The following ADGRL2 variants were observed in gnomAD, a reference collection of about 807,000 sequenced individuals.
ADGRL2 encodes the protein adhesion G protein-coupled receptor L2.
A neutral mutation model predicts 157.4 loss-of-function variants in ADGRL2; 44 were observed. The observed-to-expected ratio is 0.28, with a 90% confidence interval of 0.22 to 0.36. The LOEUF (loss-of-function observed/expected upper bound fraction) is 0.36, where lower values mean the gene tolerates loss of function less well. ADGRL2 is among the 10% of genes least tolerant of loss of function. The pLI is 1.00. For synonymous variants in ADGRL2, 585 were observed against 624.7 expected, an observed-to-expected ratio of 0.94 and a Z score of 0.95; for missense variants, 1,510 against 1,768.9, an observed-to-expected ratio of 0.85 and a Z score of 2.63.
intron 2 of ADGRL2, among the ~76,000 whole-genome samples, chr1:81,452,777 C>T (rs1453707035): frequency 6.6e-6 from 1 of 152,040 alleles, no homozygotes; most frequent in Non-Finnish European, 1.5e-5. Flanking sequence ...ATGCATCAGT[C>T]GAGTAGGTTT....
At chr1:81,355,841 G>A (rs1663244525) in intron 1 of ADGRL2, among the ~76,000 whole-genome samples, 1 of 152,148 alleles carries the variant, frequency 6.6e-6, no homozygotes, top group Non-Finnish European at 1.5e-5. Flanking sequence ...CCTTATCTCT[G>A]TCTTCGTAAC....
At chr1:81,699,676 T>G (rs1427387697), upstream of ADGRL2, 2 of 152,170 alleles carry the variant, frequency 1.3e-5, no homozygotes, top group Non-Finnish European at 2.9e-5. Context: ...ATCTTAATAG[T>G]GTTGTGACTG....
At chr1:81,508,845 G>T (rs908058128) in intron 2 of ADGRL2, among the ~76,000 whole-genome samples, 1 of 152,116 alleles carries the variant, frequency 6.6e-6, no homozygotes, top group African/African-American at 2.4e-5. Flanking sequence ...TGAAATATTT[G>T]CCAAGAATAT....
chr1:81,429,083 T>A, intron 1 of ADGRL2, among the ~76,000 whole-genome samples: 1 of 152,088 alleles, frequency 6.6e-6, no homozygotes, highest in East Asian at 1.9e-4. Context: ...AAATTCTCAC[T>A]TTTGAAACCT....
At chr1:81,869,622 A>C (rs1382113166) in intron 2 of ADGRL2, among the ~76,000 whole-genome samples, 1 of 152,186 alleles carries the variant, frequency 6.6e-6, no homozygotes, top group Non-Finnish European at 1.5e-5. Context: ...ACAGTTTATA[A>C]ATAATTACAG....
chr1:81,505,740 CA>C (rs59062091), intron 2 of ADGRL2, among the ~76,000 whole-genome samples: 24,298 of 84,824 alleles, frequency 0.29, 1,423 homozygotes, highest in East Asian at 0.52. Context: ...TGTCCTCCTG[CA>C]AAAAAAAAAA....
chr1:81,449,124 G>C (rs949691182), intron 2 of ADGRL2, among the ~76,000 whole-genome samples: 2 of 151,636 alleles, frequency 1.3e-5, no homozygotes, highest in East Asian at 3.9e-4. Flanking sequence ...GTGCTTTTGG[G>C]GGCTAAATAA....
chr1:81,963,092 T>G (rs998809003), intron 11 of ADGRL2, among the ~76,000 whole-genome samples: 1 of 152,052 alleles, frequency 6.6e-6, no homozygotes, highest in Non-Finnish European at 1.5e-5. Context: ...GGTCTTCTTA[T>G]AAAGTTATAT....
At position 81,356,971 on chromosome 1, in the gene ADGRL2, A is replaced by AAAAAAAAAAAAAAG. The variant is rs80327519; in HGVS notation, c.-302+50464_-302+50465insAAAAAAAAAAAGAA. Among the ~76,000 whole-genome samples, 63 of 99,390 alleles carry AAAAAAAAAAAAAAG rather than the reference A, an allele frequency of 6.3e-4. 1 individual carries two copies. Among genetic ancestry groups the AAAAAAAAAAAAAAG allele is most frequent in the East Asian group, 2.6e-3 (6 of 2,328 alleles). The allele number at this position is 99,390 out of a possible 152,430, so 65.2% of individuals were successfully genotyped here. A position where few individuals can be genotyped will look rare whatever the true frequency, so the allele number is the denominator to read the frequency against. ...CCGTCTCAAAAAAAAAAAAAAAAAA[A>AAAAAAAAAAAAAAG]AAGAAGTTGTTTCCTTTTAAAGCTC... On this transcript the variant is annotated intron_variant, in intron 1 of 24. Transcript: ENST00000370721.
intron 2 of ADGRL2, among the ~76,000 whole-genome samples, chr1:81,543,271 C>T (rs192093990): frequency 3.9e-4 from 58 of 147,832 alleles, no homozygotes; most frequent in Admixed American, 2.6e-3. Context: ...AGAGCCCTCA[C>T]GAATGGAATT....
At chr1:81,864,513 A>G (rs2093479022) in intron 2 of ADGRL2, among the ~76,000 whole-genome samples, 1 of 152,224 alleles carries the variant, frequency 6.6e-6, no homozygotes, top group African/African-American at 2.4e-5. Context: ...TTTTTAAAAA[A>G]TTAAGTGAAT....
At chr1:81,977,730 G>A (rs765317339) in intron 17 of ADGRL2, among the ~76,000 whole-genome samples, 15 of 151,414 alleles carry the variant, frequency 9.9e-5, no homozygotes, top group South Asian at 4.2e-4. Context: ...GTTCCCAAGG[G>A]AATAATTAAT....
intron 2 of ADGRL2, among the ~76,000 whole-genome samples, chr1:81,837,760 T>C (rs1395994616): frequency 6.6e-6 from 1 of 151,990 alleles, no homozygotes; most frequent in Non-Finnish European, 1.5e-5. Flanking sequence ...ATTAACTATA[T>C]AGATTTCTGG....
intron 1 of ADGRL2, among the ~76,000 whole-genome samples, chr1:81,821,398 C>A (rs948853075): frequency 1.3e-5 from 2 of 151,998 alleles, no homozygotes; most frequent in Non-Finnish European, 2.9e-5. Flanking sequence ...CTCCACAGTT[C>A]CTTTCTTTAG....
chr1:81,769,016 C>T (rs767507792), intron 2 of ADGRL2, among the ~76,000 whole-genome samples: 5 of 152,054 alleles, frequency 3.3e-5, no homozygotes, highest in African/African-American at 7.2e-5. Context: ...ACCCAGGAGG[C>T]GGAGGTTGCT....
At chr1:81,449,818 T>A (rs1431045086) in intron 2 of ADGRL2, among the ~76,000 whole-genome samples, 1 of 152,184 alleles carries the variant, frequency 6.6e-6, no homozygotes, top group African/African-American at 2.4e-5. Context: ...CTCAAACTCC[T>A]GGGCTCAAGC....
rs1036839849 is a variant in ADGRL2, at chr1:81,768,849, G to A, written c.-101+6997G>A. Reference sequence around the variant, plus strand: ...TAATCCCAGCATTTTGGGAGGTCGAGGCAGGCAGATCACTTGAGGTCAGGA... The same window carrying A: ...TAATCCCAGCATTTTGGGAGGTCGAAGCAGGCAGATCACTTGAGGTCAGGA... On this transcript the variant is annotated intron_variant, in intron 2 of 20. Transcript: ENST00000359929. 4.9e-4 allele frequency among the ~76,000 whole-genome samples: 74 copies of A among 152,224 alleles called. 1 individual carries two copies. The highest frequency in any genetic ancestry group is 1.8e-3 in the African/African-American group (73 of 41,532).
chr1:81,820,777 T>C (rs1352687039), intron 1 of ADGRL2, among the ~76,000 whole-genome samples: 3 of 152,110 alleles, frequency 2.0e-5, no homozygotes. Flanking sequence ...CTGCTTACAC[T>C]TTCACTGGGC....
chr1:81,902,675 CTG>C (rs2151660141), intron 2 of ADGRL2, among the ~76,000 whole-genome samples: 1 of 24,354 alleles, frequency 4.1e-5, no homozygotes, highest in Non-Finnish European at 1.4e-4. Flanking sequence ...GATAGTCAGA[CTG>C]TGTCAGAATT....
Sources: gnomAD v4.1 joint callset for allele counts (sites outside exome capture counted in the v4.1 genomes callset) on GRCh38, gnomAD v4.1.1 for gene constraint, MANE v1.5 for transcripts, NCBI Gene and HGNC (gene_info 2026-07-23, HGNC 2026-07-21) for gene names.